The following UGT1A8 variants were observed in gnomAD, a reference collection of about 807,000 sequenced individuals.
The protein encoded by UGT1A8 is UDP glucuronosyltransferase family 1 member A8, also known as UDP-glucuronosyltransferase 1A8.
UGT1A8 carries 39 observed loss-of-function variants against 45.3 expected under a neutral mutation model. The ratio of observed to expected loss-of-function variants is 0.86; its 90% CI spans 0.67 to 1.12. The LOEUF is 1.12. Ranked by LOEUF, UGT1A8 falls within the 50% of genes most tolerant of loss-of-function variation. The probability of loss-of-function intolerance (pLI) is 0.00; values close to 1 mark genes in which losing one functional copy is unlikely to be tolerated. For synonymous variants in UGT1A8, 275 were observed against 249.2 expected (o/e 1.10, Z -0.97); for missense variants, 719 against 664.9 (o/e 1.08, Z -0.90).
rs867393133 is a variant in UGT1A8 at position 233,772,500 on chromosome 2, C to T, written c.1534C>T (p.Arg512Trp). ...CTTTAAATGTTGTGCTTATGGCTACCGGAAATGCTTGGGGAAAAAAGGGCG... is the reference window on the plus strand; with the variant it reads ...CTTTAAATGTTGTGCTTATGGCTACTGGAAATGCTTGGGGAAAAAAGGGCG... ...ITFKCCAYGY[R>W]KCLGKKGRVK... Residue 512 changes from arginine (R) to tryptophan (W), a missense_variant, in exon 5 of 5, where the codon CGG becomes TGG. Arg to Trp is a moderately radical substitution (Grantham distance 101). Coordinates refer to ENST00000373450, the MANE Select transcript of UGT1A8 (RefSeq NM_019076.5). 25 of 1,614,078 alleles carry T rather than the reference C, an allele frequency of 1.5e-5. No homozygotes were observed. Among genetic ancestry groups the T allele is most frequent in the African/African-American group, 8.0e-5 (6 of 74,994 alleles).
intron 1 of UGT1A8, among the ~76,000 whole-genome samples, chr2:233,758,340 C>G (rs1004425999): frequency 6.6e-6 from 1 of 152,226 alleles, no homozygotes; most frequent in Non-Finnish European, 1.5e-5. Flanking sequence ...CTTGGAAGCT[C>G]TGCATGATGC....
At chr2:233,654,587 A>G (rs2073813804) in intron 1 of UGT1A8, among the ~76,000 whole-genome samples, 2 of 152,356 alleles carry the variant, frequency 1.3e-5, no homozygotes, top group East Asian at 3.9e-4. Flanking sequence ...AAAGCTAGAA[A>G]GTGAAATGAA....
At position 233,768,623 on chromosome 2, in the gene UGT1A8, G is replaced by A. The variant is rs1319443320; in HGVS notation, c.1295+184G>A. On this transcript the variant is annotated intron_variant, in intron 4 of 4. Coordinates refer to ENST00000373450, the MANE Select transcript of UGT1A8 (RefSeq NM_019076.5). ...TTTTTTTGAGATGGAGTCTTGCTCT[G>A]TCACCTAGGCTGGAGTGCAGTGGTG... Among the ~76,000 whole-genome samples, 3 of 112,724 alleles carry A rather than the reference G, an allele frequency of 2.7e-5. No individual in the cohort carries two copies. The Admixed American group carries it at 3.9e-4, about 15-fold the overall frequency. The allele number at this position is 112,724 out of a possible 152,430, so 74.0% of individuals were successfully genotyped here.
At chr2:233,651,666 G>T (rs1252227973) in intron 1 of UGT1A8, among the ~76,000 whole-genome samples, 1 of 152,174 alleles carries the variant, frequency 6.6e-6, no homozygotes, top group Non-Finnish European at 1.5e-5. Flanking sequence ...TTATTTAGAA[G>T]GGCAGGCTGT....
At chr2:233,648,711 G>T in intron 1 of UGT1A8, 4 of 424,226 alleles carry the variant, frequency 9.4e-6, no homozygotes, top group Non-Finnish European at 4.4e-6. Context: ...TGATCCGCCC[G>T]CCTTGGCCTC....
chr2:233,757,111 A>C (rs13404099), intron 1 of UGT1A8, among the ~76,000 whole-genome samples: 1 of 151,320 alleles, frequency 6.6e-6, no homozygotes, highest in East Asian at 2.0e-4. Context: ...GGCAAGCAGA[A>C]GGGCTAGAGA....
chr2:233,629,061 A>G (rs944850591), intron 1 of UGT1A8, among the ~76,000 whole-genome samples: 2 of 152,112 alleles, frequency 1.3e-5, no homozygotes, highest in African/African-American at 4.8e-5. Context: ...ATTCATCTCT[A>G]GAACTCGCTT....
intron 1 of UGT1A8, chr2:233,637,514 C>T (rs1028353222): frequency 1.5e-5 from 22 of 1,463,516 alleles, no homozygotes; most frequent in Middle Eastern, 1.8e-4. Context: ...TTATTTTGTG[C>T]GAATTCATGT....
intron 1 of UGT1A8, among the ~76,000 whole-genome samples, chr2:233,620,422 A>G (rs970208665): frequency 4.6e-5 from 7 of 152,122 alleles, no homozygotes; most frequent in Non-Finnish European, 5.9e-5. Context: ...CTGAACCCAC[A>G]CTGAGTTTAT....
intron 1 of UGT1A8, among the ~76,000 whole-genome samples, chr2:233,725,666 T>C (rs1346246922): frequency 6.6e-6 from 1 of 152,182 alleles, no homozygotes; most frequent in Non-Finnish European, 1.5e-5. Context: ...CAATTTGGAA[T>C]AGTCACATTT....
chr2:233,703,218 C>G (rs1053739567), intron 1 of UGT1A8, among the ~76,000 whole-genome samples: 7 of 152,130 alleles, frequency 4.6e-5, no homozygotes, highest in Non-Finnish European at 1.0e-4. Context: ...TCTAAGTTAT[C>G]TAATTCCTTG....
chr2:233,660,082 C>T (rs937035129), intron 1 of UGT1A8, among the ~76,000 whole-genome samples: 23 of 152,212 alleles, frequency 1.5e-4, no homozygotes, highest in African/African-American at 5.5e-4. Flanking sequence ...CCTTGATTGG[C>T]TCTGTTTTAA....
At chr2:233,742,268 G>C (rs1474936757) in intron 1 of UGT1A8, among the ~76,000 whole-genome samples, 3 of 152,000 alleles carry the variant, frequency 2.0e-5, no homozygotes, top group African/African-American at 7.3e-5. Flanking sequence ...CAGCAAGCCT[G>C]TGATAAGCAT....
At chr2:233,730,331 T>C (rs1430644008) in intron 1 of UGT1A8, among the ~76,000 whole-genome samples, 1 of 152,142 alleles carries the variant, frequency 6.6e-6, no homozygotes, top group African/African-American at 2.4e-5. Flanking sequence ...GACACTACGT[T>C]TGGAACTGAT....
intron 1 of UGT1A8, chr2:233,718,939 C>A (rs149017068): frequency 2.6e-4 from 420 of 1,614,132 alleles, no homozygotes; most frequent in Non-Finnish European, 3.2e-4. Context: ...GATGGCAGCC[C>A]CTGGCTCAGC....
chr2:233,737,327 G>A (rs1317799063), intron 1 of UGT1A8, among the ~76,000 whole-genome samples: 4 of 152,258 alleles, frequency 2.6e-5, no homozygotes, highest in African/African-American at 4.8e-5. Flanking sequence ...TGCACTAGCA[G>A]TGAGCAAGGC....
intron 1 of UGT1A8, among the ~76,000 whole-genome samples, chr2:233,699,227 G>A (rs566093011): frequency 2.6e-5 from 4 of 152,078 alleles, no homozygotes; most frequent in South Asian, 2.1e-4. Flanking sequence ...AAACAAAAAC[G>A]AACTTTTGTT....
intron 4 of UGT1A8, chr2:233,771,059 G>A (rs1001475755): frequency 6.6e-6 from 1 of 152,046 alleles, no homozygotes; most frequent in Non-Finnish European, 1.5e-5. Flanking sequence ...TTTAATGACC[G>A]GCTCTCACAA....
intron 1 of UGT1A8, among the ~76,000 whole-genome samples, chr2:233,627,635 T>TCCTA (rs2073110423): frequency 8.3e-6 from 1 of 121,114 alleles, no homozygotes; most frequent in Non-Finnish European, 1.8e-5. Flanking sequence ...CTTCCTTCCT[T>TCCTA]CCTTCCTTCC....
Sources: allele counts gnomAD v4.1 joint callset (sites outside exome capture counted in the v4.1 genomes callset), GRCh38; gene constraint gnomAD v4.1.1; transcripts MANE v1.5; gene names NCBI Gene and HGNC (gene_info 2026-07-23, HGNC 2026-07-21).